The following RBFOX1 variants were observed in gnomAD, a reference collection of about 807,000 sequenced individuals.
The protein encoded by RBFOX1 is RNA binding fox-1 homolog 1.
RBFOX1 carries 8 observed loss-of-function variants against 57.7 expected under a neutral mutation model. The observed-to-expected ratio is 0.14, with a 90% CI of 0.08 to 0.25. The LOEUF (loss-of-function observed/expected upper bound fraction) is 0.25. Ranked by LOEUF, RBFOX1 falls within the 10% of genes least tolerant of loss-of-function variation. RBFOX1 has a pLI of 1.00. For synonymous variants in RBFOX1, 326 were observed against 222.4 expected (o/e 1.47, Z -4.15); for missense variants, 611 against 548.5 (o/e 1.11, Z -1.14).
At chr16:7,358,494 C>T (rs1468829934) in intron 4 of RBFOX1, among the ~76,000 whole-genome samples, 6 of 151,988 alleles carry the variant, frequency 3.9e-5, no homozygotes, top group African/African-American at 7.3e-5. Flanking sequence ...GATCTCAGCT[C>T]ACTGCAACCT....
At chr16:6,868,968 G>C (rs977589950) in intron 3 of RBFOX1, among the ~76,000 whole-genome samples, 1 of 152,144 alleles carries the variant, frequency 6.6e-6, no homozygotes, top group African/African-American at 2.4e-5. Flanking sequence ...CATGAGGTGA[G>C]AGAAACCGTC....
At chr16:5,840,365 C>T (rs1195012112) in intron 3 of RBFOX1, among the ~76,000 whole-genome samples, 1 of 152,172 alleles carries the variant, frequency 6.6e-6, no homozygotes, top group Non-Finnish European at 1.5e-5. Flanking sequence ...CCAGAGAGGC[C>T]ACCCCCTGTC....
At chr16:6,486,590 C>A (rs185319811) in intron 2 of RBFOX1, among the ~76,000 whole-genome samples, 1 of 151,992 alleles carries the variant, frequency 6.6e-6, no homozygotes, top group East Asian at 1.9e-4. Context: ...ACTTCACTCT[C>A]CATCTTGTGT....
chr16:6,617,772 G>A (rs1032513421), intron 2 of RBFOX1, among the ~76,000 whole-genome samples: 1 of 152,156 alleles, frequency 6.6e-6, no homozygotes, highest in African/African-American at 2.4e-5. Context: ...TGGCAAGACA[G>A]TAGACAGTGG....
At chr16:7,558,082 T>C (rs1479792121) in intron 5 of RBFOX1, among the ~76,000 whole-genome samples, 1 of 152,106 alleles carries the variant, frequency 6.6e-6, no homozygotes, top group African/African-American at 2.4e-5. Flanking sequence ...AGGCCAGGCA[T>C]GGTAGCTCAC....
At chr16:6,646,995 C>G (rs2098539537) in intron 2 of RBFOX1, among the ~76,000 whole-genome samples, 1 of 152,188 alleles carries the variant, frequency 6.6e-6, no homozygotes, top group Non-Finnish European at 1.5e-5. Flanking sequence ...GCTACCCTAA[C>G]AAACTGCCAT....
chr16:7,454,585 G>A (rs1307236796), intron 4 of RBFOX1, among the ~76,000 whole-genome samples: 4 of 152,166 alleles, frequency 2.6e-5, no homozygotes, highest in Non-Finnish European at 4.4e-5. Flanking sequence ...CTACCTTGGT[G>A]CATGAAGGAA....
intron 11 of RBFOX1, among the ~76,000 whole-genome samples, chr16:7,631,965 A>G (rs1408356184): frequency 1.3e-5 from 2 of 152,200 alleles, no homozygotes; most frequent in African/African-American, 4.8e-5. Flanking sequence ...GCTGGAGTGC[A>G]GTGGTGCCAT....
chr16:6,439,660 C>T (rs1332826549), intron 2 of RBFOX1, among the ~76,000 whole-genome samples: 1 of 152,134 alleles, frequency 6.6e-6, no homozygotes, highest in African/African-American at 2.4e-5. Context: ...CTCAGAACTA[C>T]TTCTAGTTGC....
chr16:5,628,574 G>A (rs2048411047), intron 3 of RBFOX1, among the ~76,000 whole-genome samples: 1 of 152,154 alleles, frequency 6.6e-6, no homozygotes, highest in Non-Finnish European at 1.5e-5. Context: ...CTGAACTGCT[G>A]AACTGTCCTA....
chr16:7,606,733 T>C (rs2095300524), intron 9 of RBFOX1, among the ~76,000 whole-genome samples: 1 of 152,212 alleles, frequency 6.6e-6, no homozygotes. Context: ...TTACAGTTCC[T>C]GAATGCATCA....
At chr16:7,316,421 C>A (rs2096440385) in intron 4 of RBFOX1, among the ~76,000 whole-genome samples, 1 of 152,186 alleles carries the variant, frequency 6.6e-6, no homozygotes, top group Admixed American at 6.5e-5. Context: ...ATTAAGTCAC[C>A]TCAAATCTGA....
chr16:7,202,591 T>A (rs1006407566), intron 4 of RBFOX1, among the ~76,000 whole-genome samples: 1 of 152,152 alleles, frequency 6.6e-6, no homozygotes, highest in African/African-American at 2.4e-5. Flanking sequence ...AAGCAAAGCT[T>A]CTTCTGTATT....
At chr16:7,337,804 C>T (rs1282234767) in intron 4 of RBFOX1, among the ~76,000 whole-genome samples, 1 of 152,202 alleles carries the variant, frequency 6.6e-6, no homozygotes, top group Non-Finnish European at 1.5e-5. Context: ...CCTGCCTCAG[C>T]CTCCCAAGTA....
At chr16:7,523,848 G>T (rs575883585) in intron 5 of RBFOX1, among the ~76,000 whole-genome samples, 10 of 152,192 alleles carry the variant, frequency 6.6e-5, no homozygotes, top group African/African-American at 2.4e-4. Flanking sequence ...GCAGAACGTG[G>T]TCTATGACAA....
chr16:7,113,567 C>G lies in RBFOX1; in HGVS notation c.27+61469C>G, dbSNP rs140262871. 7.1e-3 allele frequency among the ~76,000 whole-genome samples: 1,077 copies of G among 152,222 alleles called. 17 individuals are homozygous for G. Among genetic ancestry groups the G allele is most frequent in the African/African-American group, 0.024 (983 of 41,542 alleles). On this transcript the variant is annotated intron_variant, in intron 4 of 15. Coordinates refer to ENST00000550418, the MANE Select transcript of RBFOX1 (RefSeq NM_018723.4). ...TATATTATGCAATTATGCACCCGCA[C>G]CATTGGAGCCACATGATGAATGTAT...
At chr16:6,939,854 A>T (rs1465685764) in intron 3 of RBFOX1, among the ~76,000 whole-genome samples, 1 of 152,230 alleles carries the variant, frequency 6.6e-6, no homozygotes, top group Non-Finnish European at 1.5e-5. Flanking sequence ...GGTGGAAGAT[A>T]CATGTCAAGG....
chr16:7,400,521 T>G (rs546819170), intron 4 of RBFOX1, among the ~76,000 whole-genome samples: 3 of 152,294 alleles, frequency 2.0e-5, no homozygotes, highest in African/African-American at 7.2e-5. Context: ...TCCCTCCTGG[T>G]CCCTTACAAA....
chr16:5,715,112 A>C (rs1204179100), intron 3 of RBFOX1, among the ~76,000 whole-genome samples: 2 of 152,218 alleles, frequency 1.3e-5, no homozygotes, highest in Non-Finnish European at 2.9e-5. Flanking sequence ...TCAGTACCTT[A>C]CATTTAGCCA....
Sources: gnomAD v4.1 joint callset for allele counts (sites outside exome capture counted in the v4.1 genomes callset) on GRCh38, gnomAD v4.1.1 for gene constraint, MANE v1.5 for transcripts, NCBI Gene and HGNC (gene_info 2026-07-23, HGNC 2026-07-21) for gene names.